Variants in EPB41L3 observed in about 807,000 individuals in gnomAD.
EPB41L3 encodes erythrocyte membrane protein band 4.1 like 3, also known as band 4.1-like protein 3.
In EPB41L3, 57 loss-of-function variants were observed where a neutral mutation model predicts 127.1. That is an observed-to-expected ratio of 0.45 (90% CI 0.36 to 0.56). The LOEUF is 0.56. Ranked by LOEUF, EPB41L3 falls within the 20% of genes least tolerant of loss-of-function variation. EPB41L3 has a pLI of 0.00. For synonymous variants in EPB41L3, 572 were observed against 549.5 expected (o/e 1.04, Z -0.57); for missense variants, 1,273 against 1,372.2 (o/e 0.93, Z 1.14).
chr18:5,454,690 G>A (rs1253763433), intron 3 of EPB41L3, among the ~76,000 whole-genome samples: 1 of 152,196 alleles, frequency 6.6e-6, no homozygotes, highest in Non-Finnish European at 1.5e-5. Context: ...ACATTCATCA[G>A]TCAATCAATA....
At chr18:5,592,142 C>T (rs939177949) in intron 3 of EPB41L3, among the ~76,000 whole-genome samples, 3 of 152,110 alleles carry the variant, frequency 2.0e-5, no homozygotes, top group Non-Finnish European at 1.5e-5. Flanking sequence ...AAAAGTCATT[C>T]AAGTCTTTAT....
At chr18:5,622,755 A>G (rs959872489) in intron 1 of EPB41L3, among the ~76,000 whole-genome samples, 1 of 151,772 alleles carries the variant, frequency 6.6e-6, no homozygotes, top group African/African-American at 2.4e-5. Context: ...GCTCCCACAG[A>G]CTCCTGGTCT....
At chr18:5,483,181 T>C (rs2088934169) in intron 2 of EPB41L3, among the ~76,000 whole-genome samples, 1 of 152,138 alleles carries the variant, frequency 6.6e-6, no homozygotes, top group Non-Finnish European at 1.5e-5. Context: ...TTGGGGTGTG[T>C]GTGTATGTGC....
At chr18:5,529,897 T>C (rs956847577) in intron 1 of EPB41L3, among the ~76,000 whole-genome samples, 1 of 150,958 alleles carries the variant, frequency 6.6e-6, no homozygotes, top group African/African-American at 2.5e-5. Flanking sequence ...CTCCTGACCA[T>C]GCCATCACCA....
intron 11 of EPB41L3, among the ~76,000 whole-genome samples, chr18:5,422,536 T>C (rs187546393): frequency 2.0e-5 from 3 of 152,356 alleles, no homozygotes; most frequent in East Asian, 1.9e-4. Flanking sequence ...TTCTTTTTAT[T>C]TGCACAGGAT....
At chr18:5,446,594 A>C (rs1246934817) in intron 3 of EPB41L3, among the ~76,000 whole-genome samples, 3 of 152,254 alleles carry the variant, frequency 2.0e-5, no homozygotes, top group Non-Finnish European at 4.4e-5. Context: ...CAAAATAATA[A>C]GCATTCAAAA....
At chr18:5,589,797 T>C (rs765349988) in intron 3 of EPB41L3, among the ~76,000 whole-genome samples, 1 of 152,148 alleles carries the variant, frequency 6.6e-6, no homozygotes, top group Non-Finnish European at 1.5e-5. Flanking sequence ...GGCAGGAGAG[T>C]GACTTTCTGA....
At chr18:5,544,060 A>C, upstream of EPB41L3, 20 of 985,480 alleles carry the variant, frequency 2.0e-5, no homozygotes, top group Non-Finnish European at 2.4e-5. Context: ...CCCCTGTTGC[A>C]GGAGACACCG....
chr18:5,500,672 C>T (rs2091662122), intron 1 of EPB41L3, among the ~76,000 whole-genome samples: 1 of 152,148 alleles, frequency 6.6e-6, no homozygotes, highest in Admixed American at 6.5e-5. Flanking sequence ...ATGACCTGGG[C>T]ACAAATAATC....
intron 3 of EPB41L3, among the ~76,000 whole-genome samples, chr18:5,590,909 G>C (rs567025453): frequency 1.5e-3 from 225 of 152,246 alleles, no homozygotes; most frequent in African/African-American, 5.2e-3. Context: ...AGGCTGGGGT[G>C]GGGGATGGGT....
intron 3 of EPB41L3, among the ~76,000 whole-genome samples, chr18:5,460,982 T>C (rs1302473782): frequency 1.3e-5 from 2 of 152,182 alleles, no homozygotes; most frequent in Non-Finnish European, 2.9e-5. Context: ...TAAAGTAAAA[T>C]TCACTTTTGA....
intron 3 of EPB41L3, among the ~76,000 whole-genome samples, chr18:5,598,226 T>C (rs1052705520): frequency 1.6e-4 from 24 of 152,154 alleles, no homozygotes; most frequent in African/African-American, 5.8e-4. Flanking sequence ...CTGAGTGAAG[T>C]TGGATTTTCT....
intron 3 of EPB41L3, among the ~76,000 whole-genome samples, chr18:5,475,856 T>G (rs1413731617): frequency 6.6e-6 from 1 of 152,182 alleles, no homozygotes; most frequent in Non-Finnish European, 1.5e-5. Context: ...TTAAAAATAA[T>G]TGTTCAGCTG....
Position 5,395,841 on chromosome 18 carries a change from G to A in EPB41L3, c.2974-134C>T, listed in dbSNP as rs141144009. 19 of 714,164 alleles carry A rather than the reference G, an allele frequency of 2.7e-5. No individual in the cohort carries two copies. The African/African-American group carries it at 2.8e-4, about 11-fold the overall frequency. The allele number at this position is 714,164 out of a possible 1,614,324, so 44.2% of individuals were successfully genotyped here. On this transcript the variant is annotated intron_variant, in intron 19 of 22. Coordinates refer to ENST00000341928, the MANE Select transcript of EPB41L3 (RefSeq NM_012307.5). ...AATCATTATGCTCTTCAGAGTCTGAGCGCTGCTCCCAAGAATAAGTACTAA... is the reference window on the plus strand; with the variant it reads ...AATCATTATGCTCTTCAGAGTCTGAACGCTGCTCCCAAGAATAAGTACTAA...
At chr18:5,512,908 C>A in intron 1 of EPB41L3, among the ~76,000 whole-genome samples, 1 of 152,140 alleles carries the variant, frequency 6.6e-6, no homozygotes, top group Admixed American at 6.5e-5. Flanking sequence ...CTAAGCCCTG[C>A]CTATATGTAA....
At chr18:5,502,363 TC>T (rs1318722290) in intron 1 of EPB41L3, among the ~76,000 whole-genome samples, 1 of 152,164 alleles carries the variant, frequency 6.6e-6, no homozygotes, top group Admixed American at 6.5e-5. Flanking sequence ...TTTTATAGGT[TC>T]TTTGTGTCTA....
Position 5,531,731 on chromosome 18 carries a change from CAAAAAAAA to C in EPB41L3, c.-12+12174_-12+12181del, listed in dbSNP as rs57625472. ...TATACAACAGAACAAGACCCTGTCT[CAAAAAAAA>C]AAAAAAAAAAAAAGGAAGAAAGAAA... is the stretch of plus-strand genomic sequence containing the variant. On this transcript the variant is annotated intron_variant, in intron 1 of 22. Coordinates refer to ENST00000341928, the MANE Select transcript of EPB41L3 (RefSeq NM_012307.5). Among the ~76,000 whole-genome samples, 4 of 67,832 alleles carry C rather than the reference CAAAAAAAA, an allele frequency of 5.9e-5. No individual in the cohort carries two copies. In the South Asian group the frequency reaches 1.9e-3, roughly 32 times the overall value. 44.5% of individuals were successfully genotyped at this position (67,832 alleles called of 152,430 possible).
intron 14 of EPB41L3, among the ~76,000 whole-genome samples, chr18:5,410,266 A>G (rs2076034582): frequency 6.6e-6 from 1 of 152,076 alleles, no homozygotes; most frequent in Non-Finnish European, 1.5e-5. Flanking sequence ...TTCTCAAAAT[A>G]TGTCCTAAGA....
chr18:5,564,879 G>A (rs1413830518), intron 3 of EPB41L3, among the ~76,000 whole-genome samples: 1 of 152,048 alleles, frequency 6.6e-6, no homozygotes, highest in African/African-American at 2.4e-5. Context: ...ATGCAAGGTG[G>A]CACACAGATA....
Sources: gnomAD v4.1 joint callset for allele counts (sites outside exome capture counted in the v4.1 genomes callset) on GRCh38, gnomAD v4.1.1 for gene constraint, MANE v1.5 for transcripts, NCBI Gene and HGNC (gene_info 2026-07-23, HGNC 2026-07-21) for gene names.